Variants in DHCR24 observed in about 807,000 individuals in gnomAD.
DHCR24 encodes the protein 24-dehydrocholesterol reductase, also known as delta(24)-sterol reductase.
A neutral mutation model predicts 61.2 loss-of-function variants in DHCR24; 28 were observed. The observed-to-expected ratio is 0.46, with a 90% CI of 0.34 to 0.63. The LOEUF (loss-of-function observed/expected upper bound fraction) is 0.63. DHCR24 is among the 20% of genes least tolerant of loss of function. The pLI is 0.01. For missense variants in DHCR24, 538 were observed against 679.1 expected (o/e 0.79, Z 2.31); for synonymous variants, 261 against 275.9 (o/e 0.95, Z 0.54).
At chr1:54,853,752 C>T (rs1419312440) in intron 7 of DHCR24, 140 bp from the exon 8 acceptor site, 9 of 1,025,662 alleles carry the variant, frequency 8.8e-6, no homozygotes, top group East Asian at 2.6e-5. Flanking sequence ...TTCACTGCCC[C>T]GCCCCCCAGC....
At chr1:54,869,708 C>T (rs564402430) in intron 5 of DHCR24, among the ~76,000 whole-genome samples, 21 of 151,626 alleles carry the variant, frequency 1.4e-4, no homozygotes, top group Non-Finnish European at 2.8e-4. Context: ...TCAAGACTAG[C>T]CTTGGCAACA....
rs968519932 is a variant in DHCR24, at chr1:54,854,101, T to C, written c.1154A>G (p.Gln385Arg). ...RKLYEQHHVV[Q>R]DMLVPMKCLQ... ...GCACTTCATGGGCACCAGCATGTCCTGCACCACGTGGTGCTGCTCGTACAG... is the reference window on the plus strand; with the variant it reads ...GCACTTCATGGGCACCAGCATGTCCCGCACCACGTGGTGCTGCTCGTACAG... The change falls in exon 7 of 9, where the codon CAG becomes CGG. Residue 385 changes from glutamine to arginine, a missense_variant. Transcript: ENST00000371269. 6 of 1,614,096 alleles carry C rather than the reference T, an allele frequency of 3.7e-6. No homozygotes were observed. Among genetic ancestry groups the C allele is most frequent in the Non-Finnish European group, 5.1e-6 (6 of 1,179,964 alleles).
At chr1:54,884,400 C>T (rs1355720725) in intron 1 of DHCR24, among the ~76,000 whole-genome samples, 3 of 152,142 alleles carry the variant, frequency 2.0e-5, no homozygotes, top group Non-Finnish European at 2.9e-5. Flanking sequence ...TATATGTTAA[C>T]TCATGCATCA....
rs559867849 is a variant in DHCR24 at position 54,863,200 on chromosome 1, G to C, written c.1020+2103C>G. Among the ~76,000 whole-genome samples the C allele has an allele frequency of 2.0e-5, 3 of 151,380 alleles. No homozygotes were observed. In the East Asian group the frequency reaches 5.9e-4, roughly 30 times the overall value. ...AGCCTGCACTGCATCTCCCAGATTT[G>C]ACACTTCTCCTCTGCTGCTGCCCAG... On this transcript the variant is annotated intron_variant, in intron 6 of 8. Coordinates refer to ENST00000371269, the MANE Select transcript of DHCR24 (RefSeq NM_014762.4).
At chr1:54,872,648 CT>C (rs1647005929) in intron 4 of DHCR24, among the ~76,000 whole-genome samples, 1 of 152,194 alleles carries the variant, frequency 6.6e-6, no homozygotes, top group Non-Finnish European at 1.5e-5. Context: ...GCATGCTGAG[CT>C]CTATGCAAGG....
intron 6 of DHCR24, among the ~76,000 whole-genome samples, chr1:54,864,970 G>A (rs563865290): frequency 2.8e-4 from 43 of 152,226 alleles, no homozygotes; most frequent in Non-Finnish European, 5.1e-4. Context: ...ATGTTCCTGC[G>A]GCCCTTTACA....
chr1:54,886,052 G>A (rs12125145), intron 1 of DHCR24, among the ~76,000 whole-genome samples: 4,881 of 152,268 alleles, frequency 0.032, 175 homozygotes, highest in East Asian at 0.18. Context: ...AGAATATGGA[G>A]GCTGCTACAC....
chr1:54,886,187 CTG>C (rs1647094518), intron 1 of DHCR24, among the ~76,000 whole-genome samples: 1 of 152,298 alleles, frequency 6.6e-6, no homozygotes, highest in Non-Finnish European at 1.5e-5. Context: ...GGAGGCTCCA[CTG>C]TGAGCCACAG....
chr1:54,878,192 G>GAA (rs35447971), intron 2 of DHCR24, among the ~76,000 whole-genome samples: 2 of 151,488 alleles, frequency 1.3e-5, no homozygotes, highest in Non-Finnish European at 2.9e-5. Context: ...TGAAGCCAGG[G>GAA]AAAAAACTGC....
At position 54,851,386 on chromosome 1, in the gene DHCR24, A is replaced by T. The variant is rs1646874240; in HGVS notation, c.*847T>A. 6.6e-6 allele frequency: 1 copy of T among 152,592 alleles called. No homozygotes were observed. Among genetic ancestry groups the T allele is most frequent in the Admixed American group, 6.5e-5 (1 of 15,270 alleles). 9.5% of individuals were successfully genotyped at this position (152,592 alleles called of 1,614,324 possible). On this transcript the variant is annotated 3_prime_UTR_variant, in exon 9 of 9. Transcript: ENST00000371269. Reference sequence around the variant, plus strand: ...ATGAGGCCTGCAGGGTTGGTGAGCCAAGAAGAATGAGCCCAGGTCCCCTGG... The same window carrying T: ...ATGAGGCCTGCAGGGTTGGTGAGCCTAGAAGAATGAGCCCAGGTCCCCTGG...
intron 4 of DHCR24, among the ~76,000 whole-genome samples, chr1:54,872,624 A>G (rs896926831): frequency 6.6e-6 from 1 of 152,170 alleles, no homozygotes. Flanking sequence ...GGCAGTGAAG[A>G]TGACACACTT....
At chr1:54,870,445 G>A (rs1344059911) in intron 5 of DHCR24, among the ~76,000 whole-genome samples, 2 of 152,112 alleles carry the variant, frequency 1.3e-5, no homozygotes, top group Non-Finnish European at 2.9e-5. Flanking sequence ...TATCCATGGG[G>A]GATTTGTTCC....
At chr1:54,872,563 C>T (rs895394798) in intron 4 of DHCR24, among the ~76,000 whole-genome samples, 5 of 152,266 alleles carry the variant, frequency 3.3e-5, no homozygotes, top group East Asian at 1.9e-4. Flanking sequence ...AGCAGCACTA[C>T]GCTCACCAAT....
chr1:54,887,130 C>T lies in DHCR24; in HGVS notation c.-11G>A, dbSNP rs368314999. The T allele has an allele frequency of 2.8e-4, 433 of 1,559,948 alleles. No individual in the cohort carries two copies. The highest frequency in any genetic ancestry group is 3.4e-4 in the Non-Finnish European group (397 of 1,153,694). ...CACGGCGGGCTCCATGGTGCGGCGCCGCGCGGTAAGCGCTGCGGGTTCGCG... is the reference window on the plus strand; with the variant it reads ...CACGGCGGGCTCCATGGTGCGGCGCTGCGCGGTAAGCGCTGCGGGTTCGCG... On this transcript the variant is annotated 5_prime_UTR_variant, in exon 1 of 9. Transcript: ENST00000371269.
intron 6 of DHCR24, among the ~76,000 whole-genome samples, chr1:54,861,970 G>A (rs1646940641): frequency 6.6e-6 from 1 of 152,056 alleles, no homozygotes; most frequent in African/African-American, 2.4e-5. Context: ...ACCACCCTAT[G>A]GTCCTCCCAT....
intron 7 of DHCR24, 77 bp from the exon 8 acceptor site, chr1:54,853,689 C>T: frequency 6.7e-7 from 1 of 1,485,442 alleles, no homozygotes; most frequent in Non-Finnish European, 9.1e-7. Flanking sequence ...CGCTCATACC[C>T]ACCCAAATGA....
intron 6 of DHCR24, among the ~76,000 whole-genome samples, chr1:54,863,753 A>G (rs1646951400): frequency 6.6e-6 from 1 of 152,242 alleles, no homozygotes; most frequent in African/African-American, 2.4e-5. Context: ...TTACCAAGAC[A>G]ATGAAAAGAA....
Position 54,887,126 on chromosome 1 carries a change from G to C in DHCR24, c.-7C>G. The C allele has an allele frequency of 6.3e-5, 99 of 1,563,976 alleles. No homozygotes were observed. Among genetic ancestry groups the C allele is most frequent in the Non-Finnish European group, 8.5e-5 (98 of 1,155,644 alleles). On this transcript the variant is annotated 5_prime_UTR_variant, in exon 1 of 9. Transcript: ENST00000371269. ...GCGACACGGCGGGCTCCATGGTGCG[G>C]CGCCGCGCGGTAAGCGCTGCGGGTT... is the stretch of plus-strand genomic sequence containing the variant.
intron 7 of DHCR24, 115 bp downstream of exon 7, chr1:54,853,922 T>C: frequency 9.2e-7 from 1 of 1,084,400 alleles, no homozygotes; most frequent in Non-Finnish European, 1.4e-6. Flanking sequence ...CATCTTAAAG[T>C]TGGGAAAACA....
Sources: allele counts gnomAD v4.1 joint callset (sites outside exome capture counted in the v4.1 genomes callset), GRCh38; gene constraint gnomAD v4.1.1; transcripts MANE v1.5; gene names NCBI Gene and HGNC (gene_info 2026-07-23, HGNC 2026-07-21).